TAFA5: variants seen among roughly 807,000 people sequenced by gnomAD.
The protein encoded by TAFA5 is TAFA chemokine like family member 5.
Under a neutral mutation model 15.3 loss-of-function variants are expected in TAFA5, and 6 were observed. The ratio of observed to expected loss-of-function variants is 0.39; its 90% confidence interval spans 0.21 to 0.77. The LOEUF (loss-of-function observed/expected upper bound fraction) is 0.77. Ranked by LOEUF, TAFA5 falls within the 30% of genes least tolerant of loss-of-function variation. The pLI, the probability that TAFA5 is intolerant of heterozygous loss-of-function variation, is 0.41. For missense variants in TAFA5, 161 were observed against 193.1 expected (o/e 0.83, Z 0.98); for synonymous variants, 103 against 80.7 (o/e 1.28, Z -1.48).
At chr22:48,573,176 A>G (rs903453518) in intron 1 of TAFA5, among the ~76,000 whole-genome samples, 4 of 152,140 alleles carry the variant, frequency 2.6e-5, no homozygotes, top group Admixed American at 1.3e-4. Flanking sequence ...TCTTTGGCCA[A>G]GTGCCCTCCT....
intron 1 of TAFA5, among the ~76,000 whole-genome samples, chr22:48,533,992 C>T (rs1922060691): frequency 6.6e-6 from 1 of 152,184 alleles, no homozygotes; most frequent in Admixed American, 6.5e-5. Context: ...CCCTTAGCAT[C>T]TGCATTTCCT....
intron 2 of TAFA5, among the ~76,000 whole-genome samples, chr22:48,655,604 A>G (rs1178156618): frequency 6.6e-6 from 1 of 152,150 alleles, no homozygotes; most frequent in Admixed American, 6.5e-5. Context: ...ACATCGGTCA[A>G]AGTGCCCATC....
At chr22:48,569,874 G>C (rs896591260) in intron 1 of TAFA5, among the ~76,000 whole-genome samples, 1 of 152,222 alleles carries the variant, frequency 6.6e-6, no homozygotes, top group Non-Finnish European at 1.5e-5. Context: ...ACTATGGCCT[G>C]TCATGCTCTA....
intron 2 of TAFA5, among the ~76,000 whole-genome samples, chr22:48,672,582 G>A (rs548119695): frequency 6.6e-6 from 1 of 152,268 alleles, no homozygotes; most frequent in African/African-American, 2.4e-5. Context: ...TTTTCTTTTG[G>A]AGCTTTGAAG....
rs16999654 is a variant in TAFA5 at position 48,653,692 on chromosome 22, C to T, written c.262+6946C>T. Among the ~76,000 whole-genome samples, 1,466 of 152,278 alleles carry T rather than the reference C, an allele frequency of 9.6e-3. 22 individuals are homozygous for T. The highest frequency in any genetic ancestry group is 0.032 in the African/African-American group (1,348 of 41,552). On this transcript the variant is annotated intron_variant, in intron 2 of 3. Coordinates refer to ENST00000402357, the MANE Select transcript of TAFA5 (RefSeq NM_001082967.3). The stretch of plus-strand genomic sequence containing the variant: ...GGAAAACCACACAGTAGCTGCATGG[C>T]TCTCTGACGCCTCTGTAGAGAGATG...
At chr22:48,608,286 G>C (rs999001066) in intron 1 of TAFA5, among the ~76,000 whole-genome samples, 2 of 152,126 alleles carry the variant, frequency 1.3e-5, no homozygotes, top group Admixed American at 1.3e-4. Context: ...CTGTTTTCTC[G>C]CTATCCAGCA....
intron 1 of TAFA5, among the ~76,000 whole-genome samples, chr22:48,578,568 G>T (rs780586672): frequency 6.6e-6 from 1 of 152,208 alleles, no homozygotes; most frequent in African/African-American, 2.4e-5. Context: ...GGAAGACGGC[G>T]CAGTCATAGG....
chr22:48,631,597 C>T (rs1926229470), intron 1 of TAFA5, among the ~76,000 whole-genome samples: 1 of 152,174 alleles, frequency 6.6e-6, no homozygotes, highest in African/African-American at 2.4e-5. Context: ...AGATGCACAG[C>T]CCCGGCGTCA....
At chr22:48,498,954 C>G (rs957670633) in intron 1 of TAFA5, among the ~76,000 whole-genome samples, 1 of 152,190 alleles carries the variant, frequency 6.6e-6, no homozygotes, top group African/African-American at 2.4e-5. Flanking sequence ...GACGGGCCAG[C>G]GTGGGGGTCT....
chr22:48,631,755 A>G (rs565569612), intron 1 of TAFA5, among the ~76,000 whole-genome samples: 1 of 152,172 alleles, frequency 6.6e-6, no homozygotes, highest in African/African-American at 2.4e-5. Context: ...GACGCCCTCC[A>G]GGTTTCCTGA....
chr22:48,688,683 T>G (rs1467308626), intron 2 of TAFA5, among the ~76,000 whole-genome samples: 1 of 151,664 alleles, frequency 6.6e-6, no homozygotes, highest in African/African-American at 2.4e-5. Flanking sequence ...TGAGAAACAG[T>G]GTGTCCTGAT....
intron 2 of TAFA5, among the ~76,000 whole-genome samples, chr22:48,682,783 G>A (rs1214648544): frequency 6.6e-6 from 1 of 152,188 alleles, no homozygotes; most frequent in African/African-American, 2.4e-5. Flanking sequence ...GTGATCTGTG[G>A]CTTGGTGCTT....
chr22:48,740,978 G>A (rs1410978588), intron 3 of TAFA5, among the ~76,000 whole-genome samples: 1 of 152,142 alleles, frequency 6.6e-6, no homozygotes, highest in Non-Finnish European at 1.5e-5. Flanking sequence ...CAGCGCTCAG[G>A]GAGGCTGCGT....
chr22:48,630,740 TCA>T (rs1367561413), intron 1 of TAFA5, among the ~76,000 whole-genome samples: 2 of 152,114 alleles, frequency 1.3e-5, no homozygotes, highest in Non-Finnish European at 2.9e-5. Flanking sequence ...GGGCCCTGAA[TCA>T]CGGGGGCGAT....
intron 2 of TAFA5, among the ~76,000 whole-genome samples, chr22:48,651,254 G>A (rs1017927005): frequency 2.0e-5 from 3 of 152,198 alleles, no homozygotes; most frequent in Non-Finnish European, 4.4e-5. Flanking sequence ...GGTCGTGGGC[G>A]GGGGCAGTTT....
At chr22:48,519,441 G>A (rs1284960299) in intron 1 of TAFA5, among the ~76,000 whole-genome samples, 1 of 152,208 alleles carries the variant, frequency 6.6e-6, no homozygotes. Flanking sequence ...TCTCCAGGGC[G>A]GCCCCTCATG....
chr22:48,686,891 G>A (rs1490433416), intron 2 of TAFA5, among the ~76,000 whole-genome samples: 1 of 137,002 alleles, frequency 7.3e-6, no homozygotes, highest in Non-Finnish European at 1.6e-5. Flanking sequence ...TGGATGGATT[G>A]ATGGTTGAAT....
rs1378104452 is a variant in TAFA5, at chr22:48,743,188, G to C, written c.391-6651G>C. On this transcript the variant is annotated intron_variant, in intron 3 of 3. Coordinates refer to ENST00000402357, the MANE Select transcript of TAFA5 (RefSeq NM_001082967.3). Reference sequence around the variant, plus strand: ...TGCTCCCGCAGGAGGCAGCAGCAGAGGGTCCTCCCTGCCTCCTCCTGCCAT... The same window carrying C: ...TGCTCCCGCAGGAGGCAGCAGCAGACGGTCCTCCCTGCCTCCTCCTGCCAT... Among the ~76,000 whole-genome samples the C allele has an allele frequency of 2.6e-5, 4 of 152,212 alleles. No individual in the cohort carries two copies. In the East Asian group the frequency reaches 7.8e-4, roughly 30 times the overall value.
rs558573348 is a variant in TAFA5 at position 48,537,153 on chromosome 22, C to T, written c.112+47449C>T. Among the ~76,000 whole-genome samples the T allele has an allele frequency of 1.2e-4, 17 of 147,044 alleles. No homozygotes were observed. In the South Asian group the frequency reaches 2.7e-3, roughly 23 times the overall value. On this transcript the variant is annotated intron_variant, in intron 1 of 3. Coordinates refer to ENST00000402357, the MANE Select transcript of TAFA5 (RefSeq NM_001082967.3). ...GATGGCTTGGTGCTGGCAGAGGCCC[C>T]GATGGAACGGATTGTTCTGTGGCTC...
Sources: gnomAD v4.1 joint callset for allele counts (sites outside exome capture counted in the v4.1 genomes callset) on GRCh38, gnomAD v4.1.1 for gene constraint, MANE v1.5 for transcripts, NCBI Gene and HGNC (gene_info 2026-07-23, HGNC 2026-07-21) for gene names.